ASIC2: variants seen among roughly 807,000 people sequenced by gnomAD.
ASIC2 encodes the protein acid sensing ion channel subunit 2, also known as acid-sensing ion channel 2.
Under a neutral mutation model 57.3 loss-of-function variants are expected in ASIC2, and 25 were observed. That is an observed-to-expected ratio of 0.44 (90% CI 0.32 to 0.61). The LOEUF (loss-of-function observed/expected upper bound fraction) is 0.61, where lower values mean the gene tolerates loss of function less well. ASIC2 is among the 20% of genes least tolerant of loss of function. The probability of loss-of-function intolerance (pLI) is 0.06; values close to 1 mark genes in which losing one functional copy is unlikely to be tolerated. For missense variants in ASIC2, 641 were observed against 738.1 expected (o/e 0.87, Z 1.52); for synonymous variants, 319 against 307.5 (o/e 1.04, Z -0.39).
At chr17:33,755,530 T>G (rs1215815605) in intron 1 of ASIC2, among the ~76,000 whole-genome samples, 1 of 152,190 alleles carries the variant, frequency 6.6e-6, no homozygotes, top group Non-Finnish European at 1.5e-5. Flanking sequence ...AGAAACCTGC[T>G]CTTAGAGATG....
intron 1 of ASIC2, among the ~76,000 whole-genome samples, chr17:33,317,453 G>A (rs1489690047): frequency 6.6e-6 from 1 of 152,164 alleles, no homozygotes; most frequent in African/African-American, 2.4e-5. Flanking sequence ...AGCTCTGTAT[G>A]GTCAGACTGG....
chr17:33,831,815 G>T (rs1234346367), intron 1 of ASIC2, among the ~76,000 whole-genome samples: 1 of 152,128 alleles, frequency 6.6e-6, no homozygotes, highest in Non-Finnish European at 1.5e-5. Context: ...GAGCAAAAAG[G>T]CCCAGAAACA....
intron 1 of ASIC2, among the ~76,000 whole-genome samples, chr17:33,715,698 G>A (rs1909195178): frequency 6.6e-6 from 1 of 152,180 alleles, no homozygotes; most frequent in Non-Finnish European, 1.5e-5. Context: ...ATTTCTGTGA[G>A]ATGTCACTAT....
chr17:33,391,195 G>A (rs192379730), intron 1 of ASIC2, among the ~76,000 whole-genome samples: 104 of 152,294 alleles, frequency 6.8e-4, no homozygotes, highest in African/African-American at 2.4e-3. Flanking sequence ...CATAGAAGGG[G>A]TGTATGGCCT....
chr17:33,059,102 C>T (rs1315589897), intron 3 of ASIC2, among the ~76,000 whole-genome samples: 3 of 151,872 alleles, frequency 2.0e-5, no homozygotes, highest in Non-Finnish European at 4.4e-5. Context: ...AAACTATATG[C>T]GGAAAAAGAT....
intron 1 of ASIC2, among the ~76,000 whole-genome samples, chr17:33,813,548 T>C (rs2141887524): frequency 6.6e-6 from 1 of 152,320 alleles, no homozygotes; most frequent in East Asian, 1.9e-4. Context: ...GCCATTCTCC[T>C]GCCTCAGCCT....
intron 1 of ASIC2, among the ~76,000 whole-genome samples, chr17:34,150,160 C>G (rs1175473509): frequency 6.6e-6 from 1 of 152,144 alleles, no homozygotes; most frequent in Non-Finnish European, 1.5e-5. Flanking sequence ...ACTGCATGAT[C>G]TCACTTCTAT....
intron 1 of ASIC2, among the ~76,000 whole-genome samples, chr17:33,683,099 G>A (rs1299481256): frequency 4.6e-5 from 7 of 152,160 alleles, no homozygotes; most frequent in East Asian, 1.9e-4. Flanking sequence ...TGCTACAGAA[G>A]GATCTGTTCC....
chr17:33,492,458 A>G (rs1913792244), intron 1 of ASIC2, among the ~76,000 whole-genome samples: 1 of 152,248 alleles, frequency 6.6e-6, no homozygotes, highest in South Asian at 2.1e-4. Flanking sequence ...GGTTTTCTTC[A>G]GTCCTTTCTG....
At chr17:33,647,065 T>C (rs1458866704) in intron 1 of ASIC2, among the ~76,000 whole-genome samples, 1 of 152,136 alleles carries the variant, frequency 6.6e-6, no homozygotes, top group East Asian at 1.9e-4. Context: ...CTGAAGTTGA[T>C]GCCCACAGCC....
chr17:33,620,234 G>GA (rs1905741816), intron 1 of ASIC2, among the ~76,000 whole-genome samples: 1 of 56,212 alleles, frequency 1.8e-5, no homozygotes, highest in African/African-American at 8.4e-5. Context: ...CCAAGCAGAG[G>GA]AAAATGAAAA....
At chr17:33,113,860 T>C (rs2092270084) in intron 1 of ASIC2, among the ~76,000 whole-genome samples, 1 of 152,246 alleles carries the variant, frequency 6.6e-6, no homozygotes, top group African/African-American at 2.4e-5. Flanking sequence ...TCTACATCTG[T>C]CTGATTCTAA....
chr17:33,622,721 A>T (rs975151954), intron 1 of ASIC2, among the ~76,000 whole-genome samples: 1 of 152,234 alleles, frequency 6.6e-6, no homozygotes, highest in African/African-American at 2.4e-5. Flanking sequence ...AAAAATGTCT[A>T]ATCAGGGCCT....
chr17:33,668,841 C>G (rs1907561499), intron 1 of ASIC2, among the ~76,000 whole-genome samples: 1 of 152,196 alleles, frequency 6.6e-6, no homozygotes, highest in Non-Finnish European at 1.5e-5. Flanking sequence ...CTGAGCCAGG[C>G]CTTGTGCTCA....
chr17:33,649,490 A>G (rs1423140799), intron 1 of ASIC2, among the ~76,000 whole-genome samples: 1 of 152,244 alleles, frequency 6.6e-6, no homozygotes, highest in African/African-American at 2.4e-5. Context: ...TGCAATTTCT[A>G]TGAAAATCCT....
chr17:33,387,660 G>A (rs747374695), intron 1 of ASIC2, among the ~76,000 whole-genome samples: 29 of 152,226 alleles, frequency 1.9e-4, no homozygotes, highest in Non-Finnish European at 3.4e-4. Flanking sequence ...CGCTGCAGCT[G>A]TGATTAACTT....
At chr17:33,535,551 C>T (rs986704668) in intron 1 of ASIC2, among the ~76,000 whole-genome samples, 5 of 152,028 alleles carry the variant, frequency 3.3e-5, no homozygotes, top group African/African-American at 4.8e-5. Context: ...GCTGGGATTA[C>T]AGGCGTGAGC....
intron 1 of ASIC2, among the ~76,000 whole-genome samples, chr17:34,032,952 A>C (rs1452213587): frequency 3.3e-5 from 5 of 152,264 alleles, no homozygotes; most frequent in East Asian, 1.9e-4. Flanking sequence ...TTAGACAGAT[A>C]AACAAGACAG....
intron 1 of ASIC2, among the ~76,000 whole-genome samples, chr17:33,780,400 G>C (rs1597873186): frequency 6.6e-6 from 1 of 152,294 alleles, no homozygotes; most frequent in Admixed American, 6.5e-5. Context: ...TGTAGCCACA[G>C]TGTTCCCTAG....
Sources: gnomAD v4.1 joint callset for allele counts (sites outside exome capture counted in the v4.1 genomes callset) on GRCh38, gnomAD v4.1.1 for gene constraint, MANE v1.5 for transcripts, NCBI Gene and HGNC (gene_info 2026-07-23, HGNC 2026-07-21) for gene names.